KCNJ14: variants seen among roughly 807,000 people sequenced by gnomAD.
KCNJ14 encodes ATP-sensitive inward rectifier potassium channel 14.
A neutral mutation model predicts 24.5 loss-of-function variants in KCNJ14; 18 were observed. The ratio of observed to expected loss-of-function variants is 0.74; its 90% confidence interval spans 0.51 to 1.09. The LOEUF (loss-of-function observed/expected upper bound fraction) is 1.09, where lower values mean the gene tolerates loss of function less well. Among genes scored for constraint, KCNJ14 ranks in the 50% least tolerant of loss-of-function variants. The pLI is 0.00. For missense variants in KCNJ14, 633 were observed against 623.0 expected (o/e 1.02, Z -0.17); for synonymous variants, 288 against 270.8 (o/e 1.06, Z -0.63).
Position 48,462,493 on chromosome 19 carries a change from A to G in KCNJ14, c.714+55A>G. ...CGTGAGCCCTGGGGGATTGTGGGAGATGTAGGCCCGAGGGCGAGGGGCGTG... is the reference window on the plus strand; with the variant it reads ...CGTGAGCCCTGGGGGATTGTGGGAGGTGTAGGCCCGAGGGCGAGGGGCGTG... On this transcript the variant is annotated intron_variant, in intron 2 of 2. Coordinates refer to ENST00000342291, the MANE Select transcript of KCNJ14 (RefSeq NM_013348.4). This position sits in a 1 kb window ranked among gnomAD's most constrained non-coding sequence, Gnocchi z 4.9. The G allele has an allele frequency of 7.4e-7, 1 of 1,344,742 alleles. No individual in the cohort carries two copies. The highest frequency in any genetic ancestry group is 2.8e-5 in the Admixed American group (1 of 35,562). 83.3% of individuals were successfully genotyped at this position (1,344,742 alleles called of 1,614,324 possible).
intron 1 of KCNJ14, among the ~76,000 whole-genome samples, chr19:48,460,818 C>T (rs985529084): frequency 3.9e-5 from 6 of 152,064 alleles, no homozygotes; most frequent in Non-Finnish European, 8.8e-5. Context: ...TGTTGTTGTA[C>T]AAGTATCTTC....
rs1034674994 is a variant in KCNJ14 at position 48,462,506 on chromosome 19, G to A, written c.714+68G>A. 96 of 1,245,168 alleles carry A rather than the reference G, an allele frequency of 7.7e-5. No individual in the cohort carries two copies. The highest frequency in any genetic ancestry group is 9.6e-5 in the Non-Finnish European group (89 of 925,540). 77.1% of individuals were successfully genotyped at this position (1,245,168 alleles called of 1,614,324 possible). ...GGATTGTGGGAGATGTAGGCCCGAGGGCGAGGGGCGTGCGGTCCTGGAGGG... is the reference window on the plus strand; with the variant it reads ...GGATTGTGGGAGATGTAGGCCCGAGAGCGAGGGGCGTGCGGTCCTGGAGGG... On this transcript the variant is annotated intron_variant, in intron 2 of 2. Transcript: ENST00000342291. The surrounding 1 kb of genome is among the most constrained non-coding windows in gnomAD (Gnocchi z 4.9).
At position 48,462,334 on chromosome 19, in the gene KCNJ14, G is replaced by A. The variant is rs1316728420; in HGVS notation, c.610G>A (p.Ala204Thr). The change falls in exon 2 of 3, where the codon GCC becomes ACC. Residue 204 changes from alanine (A) to threonine (T), a missense_variant. Transcript: ENST00000342291. This position sits in a 1 kb window ranked among gnomAD's most constrained non-coding sequence, Gnocchi z 4.9. ...RNETLVFSEN[A>T]VVALRDHRLC... ...CGAGACGCTGGTCTTCAGCGAGAACGCCGTCGTGGCGCTGCGCGACCACCG... is the reference window on the plus strand; with the variant it reads ...CGAGACGCTGGTCTTCAGCGAGAACACCGTCGTGGCGCTGCGCGACCACCG... 4.5e-6 allele frequency: 7 copies of A among 1,547,198 alleles called. No individual in the cohort carries two copies. Among genetic ancestry groups the A allele is most frequent in the Non-Finnish European group, 6.1e-6 (7 of 1,143,370 alleles).
Position 48,464,696 on chromosome 19 carries a change from A to G in KCNJ14, c.1230A>G (p.Glu410=), listed in dbSNP as rs1971638606. Residue 410 remains glutamate, a synonymous_variant, in exon 3 of 3, where the codon GAA becomes GAG. Transcript: ENST00000342291. Reference sequence around the variant, plus strand: ...AAGATGAGGACGATGAGACTGAGGAAGGGAATGGGGTGGAAACAGAAGATG... The same window carrying G: ...AAGATGAGGACGATGAGACTGAGGAGGGGAATGGGGTGGAAACAGAAGATG... The part of the protein sequence containing the change: ...QEEDEDDETE[E]GNGVETEDGA... 1 of 1,613,644 alleles carries G rather than the reference A, an allele frequency of 6.2e-7. No individual in the cohort carries two copies. Among genetic ancestry groups the G allele is most frequent in the Admixed American group, 1.7e-5 (1 of 59,998 alleles).
rs1601011426 is a variant in KCNJ14, at chr19:48,461,989, A to T, written c.265A>T (p.Met89Leu). ...ATGCGTGGACGTGCGCTGGCGCTGG[A>T]TGTGCCTGCTCTTCTCCTGCTCCTT... ...TTCVDVRWRW[M>L]CLLFSCSFLA... Residue 89 changes from methionine to leucine, a missense_variant, in exon 2 of 3, where the codon ATG becomes TTG. By Grantham distance (15) the Met-to-Leu change is conservative (BLOSUM62 2). Coordinates refer to ENST00000342291, the MANE Select transcript of KCNJ14 (RefSeq NM_013348.4). 6.2e-6 allele frequency: 10 copies of T among 1,613,110 alleles called. No individual in the cohort carries two copies. The East Asian group carries it at 2.2e-4, about 36-fold the overall frequency.
chr19:48,464,506 G>A lies in KCNJ14; in HGVS notation c.1040G>A (p.Arg347His), dbSNP rs762588558. 26 of 1,613,980 alleles carry A rather than the reference G, an allele frequency of 1.6e-5. No individual in the cohort carries two copies. In the Admixed American group the frequency reaches 3.7e-4, roughly 23 times the overall value. The change falls in exon 3 of 3, where the codon CGC becomes CAC. Residue 347 changes from arginine to histidine, a missense_variant. Physicochemically the swap from Arg to His is conservative, Grantham distance 29. Transcript: ENST00000342291. ...QRGSQYEVDY[R>H]HFHRTYEVPG... ...GGCTCCCAGTATGAGGTCGACTATCGCCACTTCCATCGCACTTATGAGGTC... is the reference window on the plus strand; with the variant it reads ...GGCTCCCAGTATGAGGTCGACTATCACCACTTCCATCGCACTTATGAGGTC...
At chr19:48,460,034 AGTT>A (rs1415818805) in intron 1 of KCNJ14, among the ~76,000 whole-genome samples, 16 of 151,012 alleles carry the variant, frequency 1.1e-4, no homozygotes, top group African/African-American at 3.6e-4. Flanking sequence ...AAAAAAAAAA[AGTT>A]ATTTAGTTCT....
chr19:48,457,032 G>T (rs1971547658), intron 1 of KCNJ14: 1 of 143,420 alleles, frequency 7.0e-6, no homozygotes. Flanking sequence ...GTCTTGCTCT[G>T]TTGCCCAGGC....
intron 1 of KCNJ14, among the ~76,000 whole-genome samples, chr19:48,457,227 T>A (rs1971549149): frequency 6.6e-6 from 1 of 152,062 alleles, no homozygotes; most frequent in African/African-American, 2.4e-5. Context: ...CCTCCCACCT[T>A]GGCCTCCCAG....
At position 48,466,847 on chromosome 19, in the gene KCNJ14, G is replaced by A. The variant is rs1971658551; in HGVS notation, c.*2070G>A. The A allele has an allele frequency of 6.6e-6, 1 of 152,292 alleles. No individual in the cohort carries two copies. The highest frequency in any genetic ancestry group is 2.4e-5 in the African/African-American group (1 of 41,448). The allele number at this position is 152,292 out of a possible 1,614,324, so 9.4% of individuals were successfully genotyped here. On this transcript the variant is annotated 3_prime_UTR_variant, in exon 3 of 3. Transcript: ENST00000342291. ...AGGCGTGGGCTGTGGCTAACAGCCA[G>A]AGTCACTTCCCTGGCCTAGCTTGGG...
rs1462969804 is a variant in KCNJ14 at position 48,465,087 on chromosome 19, ATTG to A, written c.*314_*316del. On this transcript the variant is annotated 3_prime_UTR_variant, in exon 3 of 3. Coordinates refer to ENST00000342291, the MANE Select transcript of KCNJ14 (RefSeq NM_013348.4). ...GATTCCTCTATATGGGGAGACCTGGATTGTTGACCAGGGTGAGAAGCCAATGGT... is the reference window on the plus strand; with the variant it reads ...GATTCCTCTATATGGGGAGACCTGGATTGACCAGGGTGAGAAGCCAATGGT... 2 of 339,436 alleles carry A rather than the reference ATTG, an allele frequency of 5.9e-6. No homozygotes were observed. Among genetic ancestry groups the A allele is most frequent in the African/African-American group, 4.1e-5 (2 of 48,894 alleles). 21.0% of individuals were successfully genotyped at this position (339,436 alleles called of 1,614,324 possible). A position where few individuals can be genotyped will look rare whatever the true frequency, so the allele number is the denominator to read the frequency against.
At chr19:48,461,528 C>CAAA (rs34391014) in intron 1 of KCNJ14, 142 bp from the exon 2 acceptor site, 69 of 165,426 alleles carry the variant, frequency 4.2e-4, no homozygotes, top group South Asian at 2.6e-3. Flanking sequence ...ACTCTGTCTC[C>CAAA]AAAAAAAAAA....
intron 2 of KCNJ14, among the ~76,000 whole-genome samples, chr19:48,463,862 C>T (rs1360270355): frequency 6.6e-6 from 1 of 152,106 alleles, no homozygotes. Flanking sequence ...GCCCCTCTTC[C>T]CGTTTTCTAC....
rs370442458 is a variant in KCNJ14 at position 48,462,388 on chromosome 19, C to G, written c.664C>G (p.Leu222Val). 4.6e-6 allele frequency: 7 copies of G among 1,523,430 alleles called. No individual in the cohort carries two copies. In the Admixed American group the frequency reaches 8.1e-5, roughly 18 times the overall value. 94.4% of individuals were successfully genotyped at this position (1,523,430 alleles called of 1,614,324 possible). Residue 222 changes from leucine (L) to valine (V), a missense_variant, in exon 2 of 3, where the codon CTG becomes GTG. Physicochemically the swap from Leu to Val is conservative, Grantham distance 32 (BLOSUM62 1). Coordinates refer to ENST00000342291, the MANE Select transcript of KCNJ14 (RefSeq NM_013348.4). The surrounding 1 kb of genome is among the most constrained non-coding windows in gnomAD (Gnocchi z 4.9). ...CTGCCTCATGTGGCGCGTCGGCAAC[C>G]TGCGCCGCAGCCACCTGGTCGAGGC... is the stretch of plus-strand genomic sequence containing the variant. ...RLCLMWRVGNLRRSHLVEAHV... is the reference protein window; with the variant it reads ...RLCLMWRVGNVRRSHLVEAHV...
chr19:48,458,638 G>C (rs1404324693), intron 1 of KCNJ14, among the ~76,000 whole-genome samples: 1 of 152,084 alleles, frequency 6.6e-6, no homozygotes, highest in African/African-American at 2.4e-5. Flanking sequence ...TCAAACTCCT[G>C]AGCTCAAGTG....
chr19:48,456,364 C>G (rs978702124), intron 1 of KCNJ14: 4 of 152,490 alleles, frequency 2.6e-5, no homozygotes, highest in Admixed American at 1.3e-4. Flanking sequence ...GGAGAACAGT[C>G]TCTAACATGC....
chr19:48,463,670 T>A (rs1230251733), intron 2 of KCNJ14, among the ~76,000 whole-genome samples: 2 of 152,174 alleles, frequency 1.3e-5, no homozygotes, highest in African/African-American at 4.8e-5. Context: ...CCCCTTCTTG[T>A]CATCTGATTT....
At position 48,464,220 on chromosome 19, in the gene KCNJ14, C is replaced by T. The variant is rs1971630979; in HGVS notation, c.754C>T (p.His252Tyr). 1 of 1,614,146 alleles carries T rather than the reference C, an allele frequency of 6.2e-7. No individual in the cohort carries two copies. Among genetic ancestry groups the T allele is most frequent in the African/African-American group, 1.3e-5 (1 of 75,028 alleles). The change falls in exon 3 of 3, where the codon CAC becomes TAC. Residue 252 changes from histidine to tyrosine, a missense_variant. Transcript: ENST00000342291. ...TPEGEYIPLD[H>Y]QDVDVGFDGG... ...AGAGGGTGAGTACATCCCGCTGGAC[C>T]ACCAGGATGTGGATGTGGGCTTTGA...
rs774308144 is a variant in KCNJ14 at position 48,464,415 on chromosome 19, C to A, written c.949C>A (p.Arg317Ser). ...GGCCACAGCCATGACCACACAGTGT[C>A]GCTCGTCCTACCTCCCTGGTGAACT... ...VEATAMTTQC[R>S]SSYLPGELLW... The change falls in exon 3 of 3, where the codon CGC becomes AGC. Residue 317 changes from arginine (R) to serine (S), a missense_variant. Coordinates refer to ENST00000342291, the MANE Select transcript of KCNJ14 (RefSeq NM_013348.4). The A allele has an allele frequency of 6.2e-7, 1 of 1,613,456 alleles. No individual in the cohort carries two copies. Among genetic ancestry groups the A allele is most frequent in the Admixed American group, 1.7e-5 (1 of 59,856 alleles).
Sources: gnomAD v4.1 joint callset for allele counts (sites outside exome capture counted in the v4.1 genomes callset) on GRCh38, gnomAD v4.1.1 for gene constraint, Gnocchi (gnomAD v3.1) non-coding constraint, MANE v1.5 for transcripts, NCBI Gene and HGNC (gene_info 2026-07-23, HGNC 2026-07-21) for gene names.